Variants in BARX1 observed in about 807,000 individuals in gnomAD.
The protein encoded by BARX1 is BARX homeobox 1.
In BARX1, 10 loss-of-function variants were observed where a neutral mutation model predicts 19.6. The ratio of observed to expected loss-of-function variants is 0.51; its 90% CI spans 0.31 to 0.86. BARX1 has a LOEUF of 0.86. Ranked by LOEUF, BARX1 falls within the 40% of genes least tolerant of loss-of-function variation. The pLI is 0.04. For synonymous variants in BARX1, 177 were observed against 170.0 expected, an observed-to-expected ratio of 1.04 and a Z score of -0.32; for missense variants, 309 against 360.4, an observed-to-expected ratio of 0.86 and a Z score of 1.15.
chr9:93,952,252 T>A lies in BARX1; in HGVS notation c.677A>T (p.Glu226Val). 6 of 1,612,574 alleles carry A rather than the reference T, an allele frequency of 3.7e-6. No homozygotes were observed. Among genetic ancestry groups the A allele is most frequent in the Non-Finnish European group, 5.1e-6 (6 of 1,179,930 alleles). ...RPKKNSIPTS[E>V]QLTEQERAKD... ...GGCGCGCTCCTGCTCAGTAAGCTGC[T>A]CGCTCGTTGGAATTGAGTTCTTCTT... is the stretch of plus-strand genomic sequence containing the variant. Residue 226 changes from glutamate to valine, a missense_variant, in exon 4 of 4, where the codon GAG becomes GTG. This residue lies in a region of BARX1 where 71 missense variants were observed against 80.4 expected (regional missense o/e 0.88). Transcript: ENST00000253968.
chr9:93,955,109 C>T lies in BARX1; in HGVS notation c.38G>A (p.Gly13Asp). ...RPGEPGAARF[G>D]PPEGCADHRP... Reference sequence around the variant, plus strand: ...GTGGTCCGCGCAGCCCTCGGGCGGGCCGAAGCGCGCGGCGCCCGGCTCCCC... The same window carrying T: ...GTGGTCCGCGCAGCCCTCGGGCGGGTCGAAGCGCGCGGCGCCCGGCTCCCC... The change falls in exon 1 of 4, where the codon GGC becomes GAC. Residue 13 changes from glycine to aspartate, a missense_variant. Physicochemically the swap from Gly to Asp is moderately conservative, Grantham distance 94. Around this residue, in one of 3 missense-constraint regions of BARX1, gnomAD observed 204 missense variants for 206.8 expected, o/e 0.99. Coordinates refer to ENST00000253968, the MANE Select transcript of BARX1 (RefSeq NM_021570.4). The surrounding 1 kb of genome is among the most constrained non-coding windows in gnomAD (Gnocchi z 4.4). 1.6e-6 allele frequency: 2 copies of T among 1,254,384 alleles called. No homozygotes were observed. Among genetic ancestry groups the T allele is most frequent in the Non-Finnish European group, 1.0e-6 (1 of 1,000,790 alleles). The allele number at this position is 1,254,384 out of a possible 1,614,324, so 77.7% of individuals were successfully genotyped here. A position where few individuals can be genotyped will look rare whatever the true frequency, so the allele number is the denominator to read the frequency against.
At position 93,955,087 on chromosome 9, in the gene BARX1, G is replaced by T; in HGVS notation, c.60C>A (p.Asp20Glu). 1 of 1,366,512 alleles carries T rather than the reference G, an allele frequency of 7.3e-7. No homozygotes were observed. The allele number at this position is 1,366,512 out of a possible 1,614,324, so 84.6% of individuals were successfully genotyped here. A position where few individuals can be genotyped will look rare whatever the true frequency, so the allele number is the denominator to read the frequency against. Reference sequence around the variant, plus strand: ...AGCTGCGATAGCGGTGCGGCCGGTGGTCCGCGCAGCCCTCGGGCGGGCCGA... The same window carrying T: ...AGCTGCGATAGCGGTGCGGCCGGTGTTCCGCGCAGCCCTCGGGCGGGCCGA... ...ARFGPPEGCA[D>E]HRPHRYRSFM... The change falls in exon 1 of 4, where the codon GAC becomes GAA. Residue 20 changes from aspartate to glutamate, a missense_variant. Physicochemically the swap from Asp to Glu is conservative, Grantham distance 45. Transcript: ENST00000253968. The surrounding 1 kb of genome is among the most constrained non-coding windows in gnomAD (Gnocchi z 4.4).
At chr9:93,954,841 G>C (rs1054452246) in intron 1 of BARX1, 83 bp downstream of exon 1, 1 of 1,008,524 alleles carries the variant, frequency 9.9e-7, no homozygotes, top group Non-Finnish European at 1.3e-6. Flanking sequence ...CTTCGATGCC[G>C]GAGGAGGCTC....
chr9:93,953,330 C>G, intron 1 of BARX1, 143 bp from the exon 2 acceptor site: 1 of 992,418 alleles, frequency 1.0e-6, no homozygotes, highest in East Asian at 2.9e-5. Flanking sequence ...CGGTCGGCGC[C>G]GGTGGCGCAG....
chr9:93,955,175 T>TGGCGGC lies in BARX1; in HGVS notation c.-35_-30dup, dbSNP rs899174165. 289 of 991,776 alleles carry TGGCGGC rather than the reference T, an allele frequency of 2.9e-4. No individual in the cohort carries two copies. Among genetic ancestry groups the TGGCGGC allele is most frequent in the Middle Eastern group, 5.0e-4 (1 of 2,010 alleles). 61.4% of individuals were successfully genotyped at this position (991,776 alleles called of 1,614,324 possible). On this transcript the variant is annotated 5_prime_UTR_variant, in exon 1 of 4. Transcript: ENST00000253968. The surrounding 1 kb of genome is among the most constrained non-coding windows in gnomAD (Gnocchi z 4.4). Reference sequence around the variant, plus strand: ...GGCGCCCACTGCTGCGCCCGCGGTTTGGCGGCGGCGGCGGCGACGGCTTGG... The same window carrying TGGCGGC: ...GGCGCCCACTGCTGCGCCCGCGGTTTGGCGGCGGCGGCGGCGGCGGCGACGGCTTGG...
At chr9:93,953,800 T>C (rs1257666443) in intron 1 of BARX1, among the ~76,000 whole-genome samples, 3 of 152,244 alleles carry the variant, frequency 2.0e-5, no homozygotes, top group African/African-American at 4.8e-5. Context: ...CCTAAAATGA[T>C]TGTGTGCCCG....
chr9:93,952,866 C>G (rs770219801), intron 2 of BARX1, 30 bp downstream of exon 2: 3 of 1,612,304 alleles, frequency 1.9e-6, no homozygotes, highest in Non-Finnish European at 8.5e-7. Context: ...ACTCCCACAG[C>G]CCGCTGGCCC....
intron 3 of BARX1, 88 bp downstream of exon 3, chr9:93,952,641 T>G: frequency 7.1e-7 from 1 of 1,416,558 alleles, no homozygotes; most frequent in Non-Finnish European, 9.9e-7. Flanking sequence ...GGGCAGAGTC[T>G]CAGTGGGGAG....
In BARX1 at chr9:93,951,956, T is replaced by TTAGA. The variant is rs1829106662; in HGVS notation, c.*204_*207dup. The TTAGA allele has an allele frequency of 1.5e-6, 1 of 661,168 alleles. No individual in the cohort carries two copies. The highest frequency in any genetic ancestry group is 2.8e-5 in the East Asian group (1 of 35,886). 41.0% of individuals were successfully genotyped at this position (661,168 alleles called of 1,614,324 possible). A position where few individuals can be genotyped will look rare whatever the true frequency, so the allele number is the denominator to read the frequency against. The stretch of plus-strand genomic sequence containing the variant: ...CCGGGCTGGATGCGAGTCTCCCAGG[T>TTAGA]TAGAGCCCAGAAGCGCGCTGGGACC... On this transcript the variant is annotated 3_prime_UTR_variant, in exon 4 of 4. Coordinates refer to ENST00000253968, the MANE Select transcript of BARX1 (RefSeq NM_021570.4).
In BARX1 at chr9:93,953,283, G is replaced by A. The variant is rs548806356; in HGVS notation, c.224-96C>T. 4.4e-4 allele frequency: 601 copies of A among 1,351,320 alleles called. 6 individuals carry two copies. The South Asian group carries it at 5.9e-3, about 13-fold the overall frequency. 83.7% of individuals were successfully genotyped at this position (1,351,320 alleles called of 1,614,324 possible). On this transcript the variant is annotated intron_variant, in intron 1 of 3. Coordinates refer to ENST00000253968, the MANE Select transcript of BARX1 (RefSeq NM_021570.4). ...ACGTGCCGCGGGGGTGCTCGCGCTT[G>A]GCCAGTGCCTCCCAGCGCAAAACCT...
Position 93,951,820 on chromosome 9 carries a change from C to T in BARX1, c.*344G>A. 4.1e-6 allele frequency: 1 copy of T among 244,528 alleles called. No individual in the cohort carries two copies. The highest frequency in any genetic ancestry group is 2.2e-5 in the African/African-American group (1 of 44,590). 15.1% of individuals were successfully genotyped at this position (244,528 alleles called of 1,614,324 possible). A position where few individuals can be genotyped will look rare whatever the true frequency, so the allele number is the denominator to read the frequency against. On this transcript the variant is annotated 3_prime_UTR_variant, in exon 4 of 4. Transcript: ENST00000253968. Reference sequence around the variant, plus strand: ...AGCGGGTGTGTGCCTGGAGGCTCCCCGGCCGGGAGGGCAGGCCCCAGACGG... The same window carrying T: ...AGCGGGTGTGTGCCTGGAGGCTCCCTGGCCGGGAGGGCAGGCCCCAGACGG...
In BARX1 at chr9:93,951,943, C is replaced by T; in HGVS notation, c.*221G>A. The stretch of plus-strand genomic sequence containing the variant: ...ACTGTAGCTTCCGCCGGGCTGGATG[C>T]GAGTCTCCCAGGTTAGAGCCCAGAA... On this transcript the variant is annotated 3_prime_UTR_variant, in exon 4 of 4. Transcript: ENST00000253968. 1 of 612,526 alleles carries T rather than the reference C, an allele frequency of 1.6e-6. No individual in the cohort carries two copies. The allele number at this position is 612,526 out of a possible 1,614,324, so 37.9% of individuals were successfully genotyped here.
chr9:93,955,103 G>C lies in BARX1; in HGVS notation c.44C>G (p.Pro15Arg), dbSNP rs1246522511. ...CGGCCGGTGGTCCGCGCAGCCCTCG[G>C]GCGGGCCGAAGCGCGCGGCGCCCGG... ...GEPGAARFGP[P>R]EGCADHRPHR... The change falls in exon 1 of 4, where the codon CCC becomes CGC. Residue 15 changes from proline to arginine, a missense_variant. Around this residue, in one of 3 missense-constraint regions of BARX1, gnomAD observed 204 missense variants for 206.8 expected, o/e 0.99. Transcript: ENST00000253968. The surrounding 1 kb of genome is among the most constrained non-coding windows in gnomAD (Gnocchi z 4.4). 4.7e-6 allele frequency: 6 copies of C among 1,280,074 alleles called. No individual in the cohort carries two copies. The highest frequency in any genetic ancestry group is 5.9e-6 in the Non-Finnish European group (6 of 1,013,898). The allele number at this position is 1,280,074 out of a possible 1,614,324, so 79.3% of individuals were successfully genotyped here.
rs188589657 is a variant in BARX1 at position 93,953,937 on chromosome 9, G to T, written c.224-750C>A. Among the ~76,000 whole-genome samples the T allele has an allele frequency of 2.6e-3, 361 of 136,772 alleles. 3 individuals are homozygous for T. The highest frequency in any genetic ancestry group is 9.8e-3 in the African/African-American group (351 of 35,784). 89.7% of individuals were successfully genotyped at this position (136,772 alleles called of 152,430 possible). A position where few individuals can be genotyped will look rare whatever the true frequency, so the allele number is the denominator to read the frequency against. ...CAGGCTAGGGAGCACCGACTAGGAG[G>T]TGGGGGGGTGCAGGGAAGGCGACTT... On this transcript the variant is annotated intron_variant, in intron 1 of 3. Coordinates refer to ENST00000253968, the MANE Select transcript of BARX1 (RefSeq NM_021570.4).
intron 1 of BARX1, among the ~76,000 whole-genome samples, chr9:93,953,747 T>C (rs562423421): frequency 3.0e-4 from 46 of 152,360 alleles, no homozygotes; most frequent in African/African-American, 1.1e-3. Flanking sequence ...ACGTTTTCTA[T>C]TTTCAGACGC....
In BARX1 at chr9:93,952,592, A is replaced by G. The variant is rs938275703; in HGVS notation, c.600+137T>C. The G allele has an allele frequency of 1.8e-5, 20 of 1,111,124 alleles. No individual in the cohort carries two copies. In the Admixed American group the frequency reaches 1.8e-4, roughly 10 times the overall value. The allele number at this position is 1,111,124 out of a possible 1,614,324, so 68.8% of individuals were successfully genotyped here. On this transcript the variant is annotated intron_variant, in intron 3 of 3. Transcript: ENST00000253968. ...CCAAGGGGCAGAAAAAACTGAGAGG[A>G]TTCCGGTGCGTACCAGGCACCGAGG...
At position 93,953,004 on chromosome 9, in the gene BARX1, C is replaced by T; in HGVS notation, c.407G>A (p.Gly136Asp). 1 of 1,573,022 alleles carries T rather than the reference C, an allele frequency of 6.4e-7. No homozygotes were observed. Among genetic ancestry groups the T allele is most frequent in the Non-Finnish European group, 8.6e-7 (1 of 1,159,762 alleles). The change falls in exon 2 of 4, where the codon GGC becomes GAC. Residue 136 changes from glycine (G) to aspartate (D), a missense_variant. This residue lies in a region of BARX1 where 204 missense variants were observed against 206.8 expected (regional missense o/e 0.99). Transcript: ENST00000253968. ...CCGACGCCCCTTCTTGGCTTTGGTGCCTGGCTCCCCAGGGCCTGCCGCCTC... is the reference window on the plus strand; with the variant it reads ...CCGACGCCCCTTCTTGGCTTTGGTGTCTGGCTCCCCAGGGCCTGCCGCCTC... The part of the protein sequence containing the change: ...KLEAAGPGEP[G>D]TKAKKGRRSR...
Position 93,953,173 on chromosome 9 carries a change from C to G in BARX1, c.238G>C (p.Glu80Gln), listed in dbSNP as rs1489234016. The G allele has an allele frequency of 2.0e-6, 3 of 1,518,172 alleles. No homozygotes were observed. The highest frequency in any genetic ancestry group is 1.7e-6 in the Non-Finnish European group (2 of 1,143,020). The allele number at this position is 1,518,172 out of a possible 1,614,324, so 94.0% of individuals were successfully genotyped here. ...GGGAACTTGAACACCGCCGCCTGCT[C>G]GGCCTTCAGCACGGCTGCGAAGAAA... The part of the protein sequence containing the change: ...FHSHLAVLKA[E>Q]QAAVFKFPLA... The change falls in exon 2 of 4, where the codon GAG becomes CAG. Residue 80 changes from glutamate to glutamine, a missense_variant. Transcript: ENST00000253968.
chr9:93,954,578 G>A (rs184215939), intron 1 of BARX1, among the ~76,000 whole-genome samples: 134 of 152,370 alleles, frequency 8.8e-4, no homozygotes, highest in Non-Finnish European at 1.6e-3. Flanking sequence ...AGGCGCCCGT[G>A]GCCTGAGGTC....
Sources: gnomAD v4.1 joint callset for allele counts (sites outside exome capture counted in the v4.1 genomes callset) on GRCh38, gnomAD v4.1.1 for gene constraint, gnomAD v4.1.1 regional missense constraint, Gnocchi (gnomAD v3.1) non-coding constraint, MANE v1.5 for transcripts, NCBI Gene and HGNC (gene_info 2026-07-23, HGNC 2026-07-21) for gene names.